HEMK2: variants seen among roughly 807,000 people sequenced by gnomAD.
HEMK2 encodes the protein HemK methyltransferase 2, ETF1 glutamine and histone H4 lysine.
At chr21:28,697,778 CAAAAA>C in the HEMK2 span, among the ~76,000 whole-genome samples, 13 of 79,532 alleles carry the variant, frequency 1.6e-4, no homozygotes, top group African/African-American at 5.9e-4. Context: ...ATCATGAGCC[CAAAAA>C]AAAAAAAAAA....
the HEMK2 span, among the ~76,000 whole-genome samples, chr21:28,750,242 A>G: frequency 0.19 from 29,477 of 152,226 alleles, 3,573 homozygotes; most frequent in African/African-American, 0.34. Flanking sequence ...AATCTTCTAA[A>G]TATGAAATTA....
At chr21:28,688,035 CAAG>C in the HEMK2 span, among the ~76,000 whole-genome samples, 2 of 151,988 alleles carry the variant, frequency 1.3e-5, no homozygotes, top group African/African-American at 2.4e-5. Flanking sequence ...ATAAAGCTTC[CAAG>C]AAGATTTGTT....
chr21:28,865,771 C>A, the HEMK2 span, among the ~76,000 whole-genome samples: 15 of 150,784 alleles, frequency 9.9e-5, no homozygotes, highest in Non-Finnish European at 1.3e-4. Context: ...ATTCTCCTTT[C>A]TAGACTCAAT....
the HEMK2 span, among the ~76,000 whole-genome samples, chr21:28,603,063 G>C: frequency 6.6e-6 from 1 of 152,154 alleles, no homozygotes; most frequent in Non-Finnish European, 1.5e-5. Context: ...CTCATCTCAA[G>C]GAGGAAAGCC....
At chr21:28,744,798 T>C in the HEMK2 span, among the ~76,000 whole-genome samples, 1 of 152,194 alleles carries the variant, frequency 6.6e-6, no homozygotes, top group South Asian at 2.1e-4. Flanking sequence ...TATAAAACCA[T>C]ATGTTAGAAC....
At chr21:28,777,861 A>G in the HEMK2 span, among the ~76,000 whole-genome samples, 3 of 152,250 alleles carry the variant, frequency 2.0e-5, no homozygotes, top group South Asian at 2.1e-4. Flanking sequence ...TGAGACATCA[A>G]TAAAGTTCTA....
chr21:28,771,589 G>A, the HEMK2 span, among the ~76,000 whole-genome samples: 1 of 147,354 alleles, frequency 6.8e-6, no homozygotes, highest in African/African-American at 2.5e-5. Context: ...ACCTCTAGGG[G>A]TTTGGTTTAG....
chr21:28,604,398 A>T, the HEMK2 span, among the ~76,000 whole-genome samples: 1 of 152,092 alleles, frequency 6.6e-6, no homozygotes, highest in African/African-American at 2.4e-5. Context: ...GTACCCTAGA[A>T]CTTAAAAGTA....
the HEMK2 span, among the ~76,000 whole-genome samples, chr21:28,668,305 A>G: frequency 6.6e-6 from 1 of 152,156 alleles, no homozygotes; most frequent in African/African-American, 2.4e-5. Context: ...GCAATACCAA[A>G]ATCTCATTGA....
the HEMK2 span, among the ~76,000 whole-genome samples, chr21:28,713,499 G>A: frequency 3.9e-4 from 60 of 152,234 alleles, no homozygotes; most frequent in African/African-American, 1.4e-3. Context: ...AGTTCCCCAG[G>A]AAAACCTGTG....
chr21:28,781,127 C>T, the HEMK2 span, among the ~76,000 whole-genome samples: 2 of 152,072 alleles, frequency 1.3e-5, no homozygotes, highest in African/African-American at 2.4e-5. Context: ...TCTCAAGTTG[C>T]TTAGAGTACA....
the HEMK2 span, among the ~76,000 whole-genome samples, chr21:28,782,332 A>G: frequency 2.6e-5 from 4 of 152,244 alleles, no homozygotes; most frequent in Non-Finnish European, 5.9e-5. Flanking sequence ...TTCTGTTTAT[A>G]TCTCAACATT....
the HEMK2 span, among the ~76,000 whole-genome samples, chr21:28,792,984 T>G: frequency 1.3e-5 from 2 of 152,178 alleles, no homozygotes; most frequent in East Asian, 3.9e-4. Flanking sequence ...TAAGGCAACT[T>G]GGATTTATAA....
the HEMK2 span, among the ~76,000 whole-genome samples, chr21:28,823,538 G>A: frequency 6.6e-6 from 1 of 152,130 alleles, no homozygotes; most frequent in South Asian, 2.1e-4. Flanking sequence ...CTCAGACACT[G>A]AAACACAAAG....
At chr21:28,813,522 A>G in the HEMK2 span, among the ~76,000 whole-genome samples, 4 of 152,230 alleles carry the variant, frequency 2.6e-5, no homozygotes, top group African/African-American at 9.7e-5. Flanking sequence ...TTATAGATTC[A>G]ATGCTATCCC....
At chr21:28,718,961 T>C in the HEMK2 span, among the ~76,000 whole-genome samples, 1 of 152,124 alleles carries the variant, frequency 6.6e-6, no homozygotes, top group African/African-American at 2.4e-5. Context: ...TCACTCACAA[T>C]CTTATGCTTT....
chr21:28,751,936 A>G, the HEMK2 span, among the ~76,000 whole-genome samples: 29,438 of 152,092 alleles, frequency 0.19, 3,563 homozygotes, highest in African/African-American at 0.34. Flanking sequence ...GATTACAGGC[A>G]TGAGCCACCA....
At chr21:28,611,040 C>T in the HEMK2 span, among the ~76,000 whole-genome samples, 3 of 152,126 alleles carry the variant, frequency 2.0e-5, no homozygotes, top group South Asian at 4.1e-4. Context: ...TACCCTACAA[C>T]AAAAATGGAC....
the HEMK2 span, among the ~76,000 whole-genome samples, chr21:28,788,369 T>C: frequency 4.6e-5 from 7 of 151,714 alleles, no homozygotes; most frequent in African/African-American, 1.7e-4. Flanking sequence ...ATTAACAGCA[T>C]TGCAGTGACC....
Sources: allele counts gnomAD v4.1 joint callset (sites outside exome capture counted in the v4.1 genomes callset), GRCh38; gene constraint gnomAD v4.1.1; transcripts MANE v1.5; gene names NCBI Gene and HGNC (gene_info 2026-07-23, HGNC 2026-07-21).